The following GALNTL6 variants were observed in gnomAD, a reference collection of about 807,000 sequenced individuals.
GALNTL6 encodes the protein polypeptide N-acetylgalactosaminyltransferase like 6, also known as polypeptide N-acetylgalactosaminyltransferase-like 6.
Under a neutral mutation model 73.7 loss-of-function variants are expected in GALNTL6, and 46 were observed. The ratio of observed to expected loss-of-function variants is 0.62; its 90% confidence interval spans 0.49 to 0.80. The LOEUF is 0.80. Ranked by LOEUF, GALNTL6 falls within the 30% of genes least tolerant of loss-of-function variation. GALNTL6 has a pLI of 0.00. For synonymous variants in GALNTL6, 259 were observed against 263.7 expected (o/e 0.98, Z 0.17); for missense variants, 604 against 755.0 (o/e 0.80, Z 2.34).
chr4:172,501,300 T>C (rs1479386172), intron 5 of GALNTL6, among the ~76,000 whole-genome samples: 2 of 152,208 alleles, frequency 1.3e-5, no homozygotes, highest in Non-Finnish European at 2.9e-5. Context: ...GGCAACATTT[T>C]TAAAAACCTT....
chr4:172,836,306 A>T (rs1045783666), intron 7 of GALNTL6, among the ~76,000 whole-genome samples: 4 of 152,230 alleles, frequency 2.6e-5, no homozygotes, highest in African/African-American at 9.6e-5. Context: ...CAGCCAGGAA[A>T]GAGCACGATC....
intron 2 of GALNTL6, among the ~76,000 whole-genome samples, chr4:171,863,916 C>A (rs1312977368): frequency 6.6e-6 from 1 of 152,030 alleles, no homozygotes; most frequent in Non-Finnish European, 1.5e-5. Context: ...CGCCACCATG[C>A]CCAGCTAATT....
At chr4:171,976,585 C>T (rs1306236322) in intron 2 of GALNTL6, among the ~76,000 whole-genome samples, 1 of 152,186 alleles carries the variant, frequency 6.6e-6, no homozygotes, top group Admixed American at 6.5e-5. Flanking sequence ...GTATAACATG[C>T]AGCGTTTCTC....
At chr4:172,791,190 G>A (rs934263005) in intron 5 of GALNTL6, among the ~76,000 whole-genome samples, 1 of 152,210 alleles carries the variant, frequency 6.6e-6, no homozygotes, top group African/African-American at 2.4e-5. Context: ...TCAGACACTA[G>A]CACTATTATT....
At chr4:171,856,646 A>T (rs1034297195) in intron 2 of GALNTL6, among the ~76,000 whole-genome samples, 2 of 152,158 alleles carry the variant, frequency 1.3e-5, no homozygotes, top group East Asian at 3.9e-4. Context: ...TTTCTTTTGC[A>T]TATGGATGTG....
At chr4:171,887,384 G>A (rs920049667) in intron 2 of GALNTL6, among the ~76,000 whole-genome samples, 2 of 152,180 alleles carry the variant, frequency 1.3e-5, no homozygotes, top group African/African-American at 4.8e-5. Context: ...ATTTTAGGTG[G>A]TGAAGGGACA....
intron 12 of GALNTL6, 101 bp from the exon 13 acceptor site, chr4:173,039,832 T>C: frequency 1.1e-6 from 1 of 871,024 alleles, no homozygotes; most frequent in Non-Finnish European, 1.8e-6. Flanking sequence ...AATAAATATA[T>C]ACTGAAATAT....
intron 2 of GALNTL6, among the ~76,000 whole-genome samples, chr4:172,041,076 A>G (rs1742075975): frequency 6.6e-6 from 1 of 152,110 alleles, no homozygotes; most frequent in Non-Finnish European, 1.5e-5. Flanking sequence ...ATTGAAGCCT[A>G]ATGTCTAATT....
chr4:172,909,295 C>A (rs1747073953), intron 8 of GALNTL6, among the ~76,000 whole-genome samples: 2 of 149,270 alleles, frequency 1.3e-5, no homozygotes, highest in African/African-American at 4.9e-5. Context: ...AGATAGTCTC[C>A]TAAGTGTGTT....
chr4:172,641,877 A>G (rs868662026), intron 5 of GALNTL6, among the ~76,000 whole-genome samples: 3 of 152,058 alleles, frequency 2.0e-5, no homozygotes, highest in Admixed American at 6.6e-5. Flanking sequence ...TGCTCTTTAA[A>G]TAGCAAGAAA....
intron 2 of GALNTL6, among the ~76,000 whole-genome samples, chr4:171,833,812 T>TTA (rs895243939): frequency 3.3e-5 from 5 of 151,776 alleles, no homozygotes; most frequent in African/African-American, 1.2e-4. Context: ...TAGAACGTGC[T>TTA]TATATATATA....
intron 8 of GALNTL6, among the ~76,000 whole-genome samples, chr4:172,930,344 G>A (rs2111316881): frequency 6.6e-6 from 1 of 152,162 alleles, no homozygotes; most frequent in South Asian, 2.1e-4. Context: ...TCAGTGGCGG[G>A]GGGAGAAATG....
rs1252226208 is a variant in GALNTL6 at position 172,369,724 on chromosome 4, C to G, written c.553+21035C>G. 2.6e-5 allele frequency among the ~76,000 whole-genome samples: 4 copies of G among 152,200 alleles called. No individual in the cohort carries two copies. The South Asian group carries it at 8.3e-4, about 31-fold the overall frequency. ...AGATGCTGGCCCAGGTGCTAAGCCC[C>G]TCACTGCCCGGGGCCGGTGGTACAG... On this transcript the variant is annotated intron_variant, in intron 5 of 12. Transcript: ENST00000506823.
At chr4:171,824,077 T>TTA (rs3080307) in intron 2 of GALNTL6, among the ~76,000 whole-genome samples, 3,912 of 129,010 alleles carry the variant, frequency 0.03, 188 homozygotes, top group African/African-American at 0.11. Context: ...CAAATCCATT[T>TTA]TATATATATA....
chr4:172,399,453 T>A (rs1743963426), intron 5 of GALNTL6, among the ~76,000 whole-genome samples: 1 of 151,586 alleles, frequency 6.6e-6, no homozygotes, highest in Non-Finnish European at 1.5e-5. Flanking sequence ...TATTTCTGAA[T>A]TATCAAGAAT....
intron 5 of GALNTL6, among the ~76,000 whole-genome samples, chr4:172,430,479 A>G (rs1579064915): frequency 6.6e-6 from 1 of 152,200 alleles, no homozygotes; most frequent in Non-Finnish European, 1.5e-5. Context: ...CCAGAAGGAT[A>G]AGAAGTGAAG....
intron 2 of GALNTL6, among the ~76,000 whole-genome samples, chr4:172,087,736 T>C (rs72988339): frequency 0.034 from 4,976 of 147,478 alleles, 260 homozygotes; most frequent in African/African-American, 0.12. Flanking sequence ...CCTCAAAACA[T>C]AAACAGTGAT....
intron 2 of GALNTL6, among the ~76,000 whole-genome samples, chr4:172,217,516 G>A (rs1736532896): frequency 6.6e-6 from 1 of 152,136 alleles, no homozygotes; most frequent in Admixed American, 6.5e-5. Flanking sequence ...TTCAAGCCCA[G>A]TGATTCTTTT....
chr4:172,379,696 C>A (rs1354767266), intron 5 of GALNTL6, among the ~76,000 whole-genome samples: 1 of 149,552 alleles, frequency 6.7e-6, no homozygotes. Context: ...ATAAAAACAC[C>A]CACGCCCCTG....
Sources: gnomAD v4.1 joint callset for allele counts (sites outside exome capture counted in the v4.1 genomes callset) on GRCh38, gnomAD v4.1.1 for gene constraint, MANE v1.5 for transcripts, NCBI Gene and HGNC (gene_info 2026-07-23, HGNC 2026-07-21) for gene names.